Variants in HTT observed in about 807,000 individuals in gnomAD.
The protein encoded by HTT is huntington disease protein.
In HTT, 104 loss-of-function variants were observed where a neutral mutation model predicts 362.3. The observed-to-expected ratio is 0.29, with a 90% CI of 0.24 to 0.34. The LOEUF is 0.34. Ranked by LOEUF, HTT falls within the 10% of genes least tolerant of loss-of-function variation. HTT has a pLI of 1.00. For missense variants in HTT, 3,301 were observed against 3,928.6 expected (o/e 0.84, Z 4.27); for synonymous variants, 1,577 against 1,548.7 (o/e 1.02, Z -0.43).
chr4:3,137,772 G>T (rs1168038211), intron 21 of HTT, among the ~76,000 whole-genome samples: 2 of 152,114 alleles, frequency 1.3e-5, no homozygotes, highest in African/African-American at 2.4e-5. Context: ...TTTGCATTTG[G>T]CTTCTTTTAC....
At chr4:3,200,149 C>T (rs1273467823) in intron 41 of HTT, among the ~76,000 whole-genome samples, 1 of 152,200 alleles carries the variant, frequency 6.6e-6, no homozygotes, top group East Asian at 1.9e-4. Context: ...TTCAAAATAG[C>T]AGTTGCTTTC....
At position 3,154,311 on chromosome 4, in the gene HTT, A is replaced by G. The variant is rs3025843; in HGVS notation, c.3517A>G (p.Thr1173Ala). 1.5e-3 allele frequency: 2,342 copies of G among 1,599,602 alleles called. 41 individuals are homozygous for G. In the African/African-American group the frequency reaches 0.029, roughly 20 times the overall value. ...ATTTTAGGCAGCCTTGCCTTCTCTA[A>G]CAAACCCCCCTTCTCTAAGTCCCAT... ...PAIKAALPSL[T>A]NPPSLSPIRR... is the part of the protein sequence containing the mutation. Residue 1173 changes from threonine to alanine, a missense_variant, in exon 27 of 67, where the codon ACA becomes GCA. Coordinates refer to ENST00000355072, the MANE Select transcript of HTT (RefSeq NM_001388492.1).
In HTT at chr4:3,104,682, G is replaced by T. The variant is rs931733092; in HGVS notation, c.529-675G>T. ...TAGTCCCAGCACTTTGGGAACCTGA[G>T]GCAGGTGGATGCTTGAGACCAGGAG... On this transcript the variant is annotated intron_variant, in intron 4 of 66. Coordinates refer to ENST00000355072, the MANE Select transcript of HTT (RefSeq NM_001388492.1). Among the ~76,000 whole-genome samples, 4 of 152,232 alleles carry T rather than the reference G, an allele frequency of 2.6e-5. No homozygotes were observed. In the East Asian group the frequency reaches 7.7e-4, roughly 29 times the overall value.
rs770570010 is a variant in HTT, at chr4:3,130,380, T to C, written c.1943T>C (p.Val648Ala). Residue 648 changes from valine (V) to alanine (A), a missense_variant, in exon 14 of 67, where the codon GTG becomes GCG. Val to Ala is a moderately conservative substitution (Grantham distance 64, BLOSUM62 0). This residue lies in a region of HTT where 2,316 missense variants were observed against 2,658.5 expected (regional missense o/e 0.87). Coordinates refer to ENST00000355072, the MANE Select transcript of HTT (RefSeq NM_001388492.1). ...QPSDSSVDKF[V>A]LRDEATEPGD... ...TCTGACAGCAGTGTTGATAAATTTG[T>C]GTTGAGAGATGAAGCTACTGAACCG... The C allele has an allele frequency of 1.9e-6, 3 of 1,609,186 alleles. No homozygotes were observed. The African/African-American group carries it at 4.0e-5, about 22-fold the overall frequency.
chr4:3,209,795 C>T, intron 46 of HTT, 32 bp from the exon 47 acceptor site: 1 of 1,611,532 alleles, frequency 6.2e-7, no homozygotes, highest in Non-Finnish European at 8.5e-7. Context: ...CGCCGCCCAT[C>T]ATGTTCCCCT....
At chr4:3,226,156 G>A (rs980755830) in intron 57 of HTT, among the ~76,000 whole-genome samples, 6 of 152,100 alleles carry the variant, frequency 3.9e-5, no homozygotes, top group African/African-American at 1.4e-4. Context: ...AGGCGTGGCC[G>A]TGAGTGTCCC....
intron 2 of HTT, 74 bp from the exon 3 acceptor site, chr4:3,099,200 C>T (rs535718661): frequency 3.0e-5 from 29 of 977,758 alleles, no homozygotes; most frequent in African/African-American, 1.1e-4. Context: ...TGCAGGACAC[C>T]GGATACCTCA....
chr4:3,093,960 T>A (rs1019035496), intron 2 of HTT, among the ~76,000 whole-genome samples: 17 of 148,424 alleles, frequency 1.1e-4, no homozygotes, highest in African/African-American at 4.3e-4. Flanking sequence ...GGGTGTTTCT[T>A]GGAGAGGGGG....
chr4:3,154,302 C>A lies in HTT; in HGVS notation c.3508C>A (p.Pro1170Thr). 1 of 1,589,800 alleles carries A rather than the reference C, an allele frequency of 6.3e-7. No individual in the cohort carries two copies. The highest frequency in any genetic ancestry group is 8.6e-7 in the Non-Finnish European group (1 of 1,168,018). The change falls in exon 27 of 67, where the codon CCT becomes ACT. Residue 1170 changes from proline to threonine, a missense_variant. By Grantham distance (38) the Pro-to-Thr change is conservative. Around this residue, in one of 4 missense-constraint regions of HTT, gnomAD observed 2,316 missense variants for 2,658.5 expected, o/e 0.87. Coordinates refer to ENST00000355072, the MANE Select transcript of HTT (RefSeq NM_001388492.1). ...APGPAIKAAL[P>T]SLTNPPSLSP... The stretch of plus-strand genomic sequence containing the variant: ...TGTTTTTCTATTTTAGGCAGCCTTG[C>A]CTTCTCTAACAAACCCCCCTTCTCT...
Position 3,168,090 on chromosome 4 carries a change from C to T in HTT, c.3865-4230C>T, listed in dbSNP as rs377018421. On this transcript the variant is annotated intron_variant, in intron 29 of 66. Transcript: ENST00000355072. The stretch of plus-strand genomic sequence containing the variant: ...ACAGGTTCTTGTTTGCACTTGGCCC[C>T]TGACTGTTTTGAGGAATCTCCCTCA... Among the ~76,000 whole-genome samples the T allele has an allele frequency of 3.3e-5, 5 of 152,316 alleles. No homozygotes were observed. The East Asian group carries it at 9.6e-4, about 29-fold the overall frequency.
chr4:3,181,580 G>C (rs554199235), intron 36 of HTT, among the ~76,000 whole-genome samples: 1 of 152,126 alleles, frequency 6.6e-6, no homozygotes, highest in East Asian at 1.9e-4. Context: ...CTTTTTAGCT[G>C]TTTGTCTTTG....
At chr4:3,077,442 TGTA>T (rs1184049867) in intron 1 of HTT, among the ~76,000 whole-genome samples, 3 of 152,090 alleles carry the variant, frequency 2.0e-5, no homozygotes, top group Non-Finnish European at 4.4e-5. Flanking sequence ...TTTTTTGAGA[TGTA>T]GTCTCACATT....
intron 18 of HTT, among the ~76,000 whole-genome samples, 158 bp downstream of exon 18, chr4:3,133,069 CGTTGCCAGTAAAGTTAAT>C (rs1715898124): frequency 1.3e-5 from 2 of 152,250 alleles, no homozygotes; most frequent in East Asian, 3.9e-4. Flanking sequence ...AGAAAGAAAA[CGTTGCCAGTAAAGTTAAT>C]GCTTCATAAA....
intron 39 of HTT, 49 bp downstream of exon 39, chr4:3,187,935 C>T: frequency 3.6e-6 from 4 of 1,125,480 alleles, no homozygotes; most frequent in Non-Finnish European, 5.3e-6. Context: ...TTTGGGAAGT[C>T]ACGTGATGTT....
At position 3,121,339 on chromosome 4, in the gene HTT, A is replaced by G. The variant is rs778221601; in HGVS notation, c.1180A>G (p.Thr394Ala). 6 of 1,614,094 alleles carry G rather than the reference A, an allele frequency of 3.7e-6. No homozygotes were observed. Among genetic ancestry groups the G allele is most frequent in the Non-Finnish European group, 4.2e-6 (5 of 1,180,002 alleles). Residue 394 changes from threonine to alanine, a missense_variant, in exon 9 of 67, where the codon ACC becomes GCC. Thr to Ala is a moderately conservative substitution (Grantham distance 58). Coordinates refer to ENST00000355072, the MANE Select transcript of HTT (RefSeq NM_001388492.1). ...FRTPPPELLQ[T>A]LTAVGGIGQL... ...AACGCCTCCACCCGAGCTTCTGCAAACCCTGACCGCAGTCGGGGGCATTGG... is the reference window on the plus strand; with the variant it reads ...AACGCCTCCACCCGAGCTTCTGCAAGCCCTGACCGCAGTCGGGGGCATTGG...
intron 29 of HTT, among the ~76,000 whole-genome samples, chr4:3,163,041 A>G (rs142007658): frequency 2.6e-5 from 4 of 152,326 alleles, no homozygotes; most frequent in African/African-American, 9.6e-5. Context: ...TTGCCCATTC[A>G]GTATGATATT....
At chr4:3,131,096 C>T (rs1715789240) in intron 14 of HTT, among the ~76,000 whole-genome samples, 190 bp from the exon 15 acceptor site, 1 of 152,034 alleles carries the variant, frequency 6.6e-6, no homozygotes, top group African/African-American at 2.4e-5. Context: ...TGTCCTGCTG[C>T]CTCTGACTTG....
chr4:3,107,455 G>A (rs138886853), intron 6 of HTT, 32 bp downstream of exon 6: 8 of 1,611,234 alleles, frequency 5.0e-6, no homozygotes, highest in Admixed American at 1.7e-5. Context: ...ACAAACATGC[G>A]AGTGATGCTG....
At chr4:3,226,878 C>G (rs1190719193) in intron 57 of HTT, among the ~76,000 whole-genome samples, 2 of 152,232 alleles carry the variant, frequency 1.3e-5, no homozygotes, top group Non-Finnish European at 2.9e-5. Flanking sequence ...ACTGGACCAG[C>G]CTGTATTTTT....
Sources: gnomAD v4.1 joint callset for allele counts (sites outside exome capture counted in the v4.1 genomes callset) on GRCh38, gnomAD v4.1.1 for gene constraint, gnomAD v4.1.1 regional missense constraint, MANE v1.5 for transcripts, NCBI Gene and HGNC (gene_info 2026-07-23, HGNC 2026-07-21) for gene names.